Variants in KCNMA1 observed in about 807,000 individuals in gnomAD.
The protein encoded by KCNMA1 is Calcium-activated potassium channel subunit alpha-1.
Under a neutral mutation model 140.0 loss-of-function variants are expected in KCNMA1, and 29 were observed. The observed-to-expected ratio is 0.21, with a 90% CI of 0.15 to 0.28. KCNMA1 has a LOEUF of 0.28. Ranked by LOEUF, KCNMA1 falls within the 10% of genes least tolerant of loss-of-function variation. KCNMA1 has a pLI of 1.00. For missense variants in KCNMA1, 880 were observed against 1,602.2 expected, an observed-to-expected ratio of 0.55 and a Z score of 7.70; for synonymous variants, 612 against 611.9, an observed-to-expected ratio of 1.00 and a Z score of 0.00.
chr10:77,223,980 T>C (rs1038499776), intron 3 of KCNMA1, among the ~76,000 whole-genome samples: 3 of 152,200 alleles, frequency 2.0e-5, no homozygotes, highest in African/African-American at 7.2e-5. Context: ...AGGGCTCAGA[T>C]TGCTTGCTCT....
At chr10:77,633,130 T>C (rs955127104) in intron 1 of KCNMA1, among the ~76,000 whole-genome samples, 4 of 152,106 alleles carry the variant, frequency 2.6e-5, no homozygotes, top group Non-Finnish European at 5.9e-5. Flanking sequence ...TCCTGGCCAA[T>C]GTGGTGAAAC....
chr10:77,295,503 C>T (rs868520370), intron 2 of KCNMA1, among the ~76,000 whole-genome samples: 7 of 152,134 alleles, frequency 4.6e-5, no homozygotes, highest in South Asian at 2.1e-4. Flanking sequence ...GTTTTCAGGC[C>T]GGGCGCGGTG....
At chr10:77,231,165 C>A (rs17392728) in intron 3 of KCNMA1, among the ~76,000 whole-genome samples, 341 of 152,264 alleles carry the variant, frequency 2.2e-3, no homozygotes, top group Non-Finnish European at 4.0e-3. Flanking sequence ...TCTCCTTTAT[C>A]ATTTGTACAT....
intron 2 of KCNMA1, among the ~76,000 whole-genome samples, chr10:77,285,636 G>T (rs568126037): frequency 6.6e-6 from 1 of 152,102 alleles, no homozygotes; most frequent in African/African-American, 2.4e-5. Context: ...GTAGTAAACT[G>T]AAATGACTGG....
intron 16 of KCNMA1, among the ~76,000 whole-genome samples, chr10:77,022,171 T>C (rs1447005441): frequency 6.6e-6 from 1 of 152,148 alleles, no homozygotes; most frequent in East Asian, 1.9e-4. Flanking sequence ...TTAAGTTTGT[T>C]TTGTTCTACT....
At chr10:77,514,604 T>C (rs2049685797) in intron 1 of KCNMA1, among the ~76,000 whole-genome samples, 1 of 152,212 alleles carries the variant, frequency 6.6e-6, no homozygotes, top group Non-Finnish European at 1.5e-5. Flanking sequence ...AAAGGGACCC[T>C]GTATTACTGG....
chr10:77,325,285 G>A (rs2083755453), intron 2 of KCNMA1, among the ~76,000 whole-genome samples: 1 of 152,160 alleles, frequency 6.6e-6, no homozygotes, highest in Non-Finnish European at 1.5e-5. Context: ...CAGGCTCCTG[G>A]AAGTCTGCCC....
At chr10:77,413,019 G>A (rs539198619) in intron 1 of KCNMA1, among the ~76,000 whole-genome samples, 6 of 151,928 alleles carry the variant, frequency 3.9e-5, no homozygotes, top group South Asian at 4.2e-4. Flanking sequence ...CATCATACCC[G>A]GCTAATTTTT....
chr10:77,599,565 C>A (rs1259503662), intron 1 of KCNMA1, among the ~76,000 whole-genome samples: 3 of 152,142 alleles, frequency 2.0e-5, no homozygotes, highest in Non-Finnish European at 4.4e-5. Flanking sequence ...TCATGTCTAT[C>A]TATCAGGAAT....
chr10:77,534,484 C>T (rs1463476053), intron 1 of KCNMA1, among the ~76,000 whole-genome samples: 1 of 152,164 alleles, frequency 6.6e-6, no homozygotes, highest in Non-Finnish European at 1.5e-5. Context: ...GATACGAGGT[C>T]CTTTCTCTAT....
At chr10:76,981,789 T>C (rs1054107366) in intron 19 of KCNMA1, among the ~76,000 whole-genome samples, 1 of 152,198 alleles carries the variant, frequency 6.6e-6, no homozygotes, top group Non-Finnish European at 1.5e-5. Flanking sequence ...TTATTATAAT[T>C]TGTGTTCAAT....
rs781056387 is a variant in KCNMA1, at chr10:77,637,740, TGCC to T, written c.-101_-99del. The T allele has an allele frequency of 4.8e-4, 622 of 1,291,802 alleles. No homozygotes were observed. Among genetic ancestry groups the T allele is most frequent in the South Asian group, 1.5e-3 (58 of 37,700 alleles). 80.0% of individuals were successfully genotyped at this position (1,291,802 alleles called of 1,614,324 possible). ...TCAACAGCCATATTGCTGCTACTGC[TGCC>T]GCCGCCGCCGCCGCCGCGGAGCGCG... On this transcript the variant is annotated 5_prime_UTR_variant, in exon 1 of 28. Transcript: ENST00000286628.
intron 2 of KCNMA1, among the ~76,000 whole-genome samples, chr10:77,359,763 GC>G (rs1228638720): frequency 6.6e-6 from 1 of 152,192 alleles, no homozygotes; most frequent in East Asian, 1.9e-4. Context: ...ACACTGTTGA[GC>G]CAGTGGATCA....
At chr10:77,470,538 C>T (rs916373512) in intron 1 of KCNMA1, among the ~76,000 whole-genome samples, 96 of 152,228 alleles carry the variant, frequency 6.3e-4, no homozygotes, top group African/African-American at 2.1e-3. Context: ...TCCTAACCAG[C>T]GCCAGCGACC....
chr10:77,371,439 T>C (rs927649308), intron 2 of KCNMA1, among the ~76,000 whole-genome samples: 2 of 152,210 alleles, frequency 1.3e-5, no homozygotes, highest in Non-Finnish European at 2.9e-5. Flanking sequence ...GCCCCATGCA[T>C]GGGTCAGCAG....
At chr10:77,352,306 A>T (rs906568746) in intron 2 of KCNMA1, among the ~76,000 whole-genome samples, 1 of 152,244 alleles carries the variant, frequency 6.6e-6, no homozygotes, top group African/African-American at 2.4e-5. Context: ...GCAGAGAGTT[A>T]AGAGGACTAC....
intron 19 of KCNMA1, among the ~76,000 whole-genome samples, chr10:76,997,112 A>G (rs1018696921): frequency 2.0e-5 from 3 of 152,210 alleles, no homozygotes; most frequent in Middle Eastern, 3.2e-3. Flanking sequence ...TGTCTGCACA[A>G]ACCAAAGGCT....
At chr10:76,881,123 A>G (rs985896453), downstream of KCNMA1, among the ~76,000 whole-genome samples, 4 of 152,162 alleles carry the variant, frequency 2.6e-5, no homozygotes, top group Admixed American at 1.3e-4. Flanking sequence ...TGCCACTGCC[A>G]TTGGCAGATG....
At chr10:77,460,066 A>G (rs1382321636) in intron 1 of KCNMA1, among the ~76,000 whole-genome samples, 1 of 152,238 alleles carries the variant, frequency 6.6e-6, no homozygotes, top group Non-Finnish European at 1.5e-5. Context: ...AACCAGCCAT[A>G]GGCAATATGT....
Sources: gnomAD v4.1 joint callset for allele counts (sites outside exome capture counted in the v4.1 genomes callset) on GRCh38, gnomAD v4.1.1 for gene constraint, MANE v1.5 for transcripts, NCBI Gene and HGNC (gene_info 2026-07-23, HGNC 2026-07-21) for gene names.